The following NCOA6 variants were observed in gnomAD, a reference collection of about 807,000 sequenced individuals.
NCOA6 encodes the protein NRC RAP250.
In NCOA6, 49 loss-of-function variants were observed where a neutral mutation model predicts 171.4. That is an observed-to-expected ratio of 0.29 (90% CI 0.23 to 0.36). The LOEUF (loss-of-function observed/expected upper bound fraction) is 0.36, where lower values mean the gene tolerates loss of function less well. Among genes scored for constraint, NCOA6 ranks in the 10% least tolerant of loss-of-function variants. The probability of loss-of-function intolerance (pLI) is 1.00; values close to 1 mark genes in which losing one functional copy is unlikely to be tolerated. For missense variants in NCOA6, 2,248 were observed against 2,554.5 expected (o/e 0.88, Z 2.59); for synonymous variants, 910 against 927.5 (o/e 0.98, Z 0.34).
intron 5 of NCOA6, among the ~76,000 whole-genome samples, chr20:34,763,214 T>C (rs1196407486): frequency 6.6e-6 from 1 of 152,192 alleles, no homozygotes; most frequent in Admixed American, 6.5e-5. Context: ...CTCAATTTCT[T>C]TATCTTCTTC....
At chr20:34,754,994 T>A in intron 7 of NCOA6, 126 bp from the exon 8 acceptor site, 1 of 865,410 alleles carries the variant, frequency 1.2e-6, no homozygotes, top group South Asian at 2.0e-5. Context: ...GTCACACTGG[T>A]AGGATCTTTA....
intron 2 of NCOA6, among the ~76,000 whole-genome samples, chr20:34,790,519 T>A (rs1457961163): frequency 6.6e-6 from 1 of 151,984 alleles, no homozygotes. Context: ...TACGCCCAGC[T>A]AATTTTTTTG....
chr20:34,740,569 G>A lies in NCOA6; in HGVS notation c.5687C>T (p.Pro1896Leu), dbSNP rs754575825. The A allele has an allele frequency of 2.5e-5, 41 of 1,614,074 alleles. No homozygotes were observed. The South Asian group carries it at 3.3e-4, about 13-fold the overall frequency. Reference protein sequence around the residue: ...LLKMTSSPVGPGTASAGPSLP... With the variant: ...LLKMTSSPVGLGTASAGPSLP... ...GCTGGGTCCTGCTGAGGCAGTGCCCGGGCCCACAGGGCTAGAGGTCATTTT... is the reference window on the plus strand; with the variant it reads ...GCTGGGTCCTGCTGAGGCAGTGCCCAGGCCCACAGGGCTAGAGGTCATTTT... The change falls in exon 11 of 15, where the codon CCG becomes CTG. Residue 1896 changes from proline to leucine, a missense_variant. By Grantham distance (98) the Pro-to-Leu change is moderately conservative. This residue lies in a region of NCOA6 where 884 missense variants were observed against 941.9 expected (regional missense o/e 0.94). Coordinates refer to ENST00000359003, the MANE Select transcript of NCOA6 (RefSeq NM_014071.5).
At chr20:34,807,274 T>C (rs1281432915) in intron 1 of NCOA6, among the ~76,000 whole-genome samples, 1 of 152,142 alleles carries the variant, frequency 6.6e-6, no homozygotes, top group Non-Finnish European at 1.5e-5. Context: ...CCAAGTTAGT[T>C]TGGAAACAGA....
At chr20:34,784,230 T>C (rs921656631) in intron 2 of NCOA6, among the ~76,000 whole-genome samples, 7 of 152,150 alleles carry the variant, frequency 4.6e-5, no homozygotes, top group African/African-American at 1.7e-4. Flanking sequence ...TAACTTTTTT[T>C]TTTTTAATTT....
chr20:34,746,813 G>A lies in NCOA6; in HGVS notation c.2908C>T (p.Pro970Ser). 6.2e-7 allele frequency: 1 copy of A among 1,606,770 alleles called. No homozygotes were observed. The highest frequency in any genetic ancestry group is 8.5e-7 in the Non-Finnish European group (1 of 1,175,236). Residue 970 changes from proline (P) to serine (S), a missense_variant, in exon 10 of 15, where the codon CCA (proline) becomes TCA (serine). By Grantham distance (74) the Pro-to-Ser change is moderately conservative (BLOSUM62 -1). Transcript: ENST00000359003. ...GPKLPEFSNR[P>S]PGYPSQPVEQ... Reference sequence around the variant, plus strand: ...CTAGCTAACATTTTATCACCTGGTGGCCGGTTTGAAAATTCTGGCAGTTTA... The same window carrying A: ...CTAGCTAACATTTTATCACCTGGTGACCGGTTTGAAAATTCTGGCAGTTTA...
Position 34,803,718 on chromosome 20 carries a change from G to A in NCOA6, c.-163-11155C>T, listed in dbSNP as rs552634140. Among the ~76,000 whole-genome samples the A allele has an allele frequency of 3.9e-5, 6 of 152,084 alleles. No homozygotes were observed. The South Asian group carries it at 1.2e-3, about 32-fold the overall frequency. ...ATATTCAAAGAAGTTCATCACTGAC[G>A]GGTGCAGAGGCTCACACTTGTAACC... On this transcript the variant is annotated intron_variant, in intron 1 of 14. Transcript: ENST00000359003.
chr20:34,762,777 C>G (rs2076855657), intron 5 of NCOA6, among the ~76,000 whole-genome samples: 1 of 152,138 alleles, frequency 6.6e-6, no homozygotes, highest in Non-Finnish European at 1.5e-5. Flanking sequence ...TTTTCTTCTT[C>G]CTGAAGTACA....
intron 1 of NCOA6, among the ~76,000 whole-genome samples, chr20:34,800,932 G>A (rs2078235607): frequency 6.6e-6 from 1 of 152,148 alleles, no homozygotes; most frequent in Admixed American, 6.5e-5. Flanking sequence ...TCAGCACATG[G>A]ATCATTCTCA....
intron 10 of NCOA6, among the ~76,000 whole-genome samples, chr20:34,744,471 T>C (rs1329458820): frequency 6.6e-6 from 1 of 151,680 alleles, no homozygotes; most frequent in Non-Finnish European, 1.5e-5. Flanking sequence ...GCATGAAGAG[T>C]ACATTAGGGA....
intron 5 of NCOA6, among the ~76,000 whole-genome samples, chr20:34,765,485 G>A (rs1193186023): frequency 1.3e-5 from 2 of 151,072 alleles, no homozygotes; most frequent in Non-Finnish European, 2.9e-5. Flanking sequence ...TCCATAATGA[G>A]CTTCCTAATC....
At chr20:34,789,955 G>A (rs1188882081) in intron 2 of NCOA6, among the ~76,000 whole-genome samples, 1 of 151,534 alleles carries the variant, frequency 6.6e-6, no homozygotes. Flanking sequence ...GAAAGGCCGG[G>A]CGGGCACAGT....
rs1264158407 is a variant in NCOA6 at position 34,741,106 on chromosome 20, G to A, written c.5150C>T (p.Ala1717Val). ...KFSSAPVPPN[A>V]LSSSPAPNIQ... ...GTTTGGAGCAGGACTACTGGAGAGG[G>A]CATTAGGCGGTACAGGAGCAGAAGA... The change falls in exon 11 of 15, where the codon GCC becomes GTC. Residue 1717 changes from alanine to valine, a missense_variant. Ala to Val is a moderately conservative substitution (Grantham distance 64). Transcript: ENST00000359003. The A allele has an allele frequency of 6.2e-7, 1 of 1,614,242 alleles. No individual in the cohort carries two copies. The highest frequency in any genetic ancestry group is 8.5e-7 in the Non-Finnish European group (1 of 1,180,052).
At position 34,757,944 on chromosome 20, in the gene NCOA6, T is replaced by C. The variant is rs41290900; in HGVS notation, c.804A>G (p.Gln268=). 0.01 allele frequency: 16,407 copies of C among 1,609,394 alleles called. 132 individuals carry two copies. The highest frequency in any genetic ancestry group is 0.041 in the Middle Eastern group (248 of 6,020). The change falls in exon 7 of 15, where the codon CAA becomes CAG. Residue 268 remains glutamine, a synonymous_variant. Transcript: ENST00000359003. ...GCTGCTGCTGCTGCTGCTGCTGCTG[T>C]TGTTGTTGTTGCTGCTGCTGCTGCA... ...PQLQQQQQQQ[Q]QQQQQQQQQQ...
intron 5 of NCOA6, among the ~76,000 whole-genome samples, chr20:34,766,635 C>T (rs1301087594): frequency 6.6e-6 from 1 of 152,068 alleles, no homozygotes; most frequent in Non-Finnish European, 1.5e-5. Context: ...GATACTAGCC[C>T]AAGAGAGCTT....
chr20:34,768,664 C>G, intron 4 of NCOA6, 78 bp from the exon 5 acceptor site: 1 of 1,502,856 alleles, frequency 6.7e-7, no homozygotes, highest in Non-Finnish European at 9.1e-7. Flanking sequence ...TATATAAGTG[C>G]TTTAGTTTTC....
intron 11 of NCOA6, among the ~76,000 whole-genome samples, chr20:34,740,082 C>T (rs566245829): frequency 2.6e-5 from 4 of 152,096 alleles, no homozygotes; most frequent in Non-Finnish European, 4.4e-5. Flanking sequence ...AGGCTGGTCT[C>T]GAATTCCTGA....
At chr20:34,736,610 C>T in intron 12 of NCOA6, 80 bp downstream of exon 12, 1 of 1,190,592 alleles carries the variant, frequency 8.4e-7, no homozygotes, top group Non-Finnish European at 1.2e-6. Flanking sequence ...GGCATAAGAA[C>T]ACACGACATT....
intron 2 of NCOA6, among the ~76,000 whole-genome samples, chr20:34,791,443 T>C (rs1215150117): frequency 6.6e-6 from 1 of 152,178 alleles, no homozygotes; most frequent in Non-Finnish European, 1.5e-5. Flanking sequence ...CTACAGTGCT[T>C]GCTTCCTTCT....
Sources: gnomAD v4.1 joint callset for allele counts (sites outside exome capture counted in the v4.1 genomes callset) on GRCh38, gnomAD v4.1.1 for gene constraint, gnomAD v4.1.1 regional missense constraint, MANE v1.5 for transcripts, NCBI Gene and HGNC (gene_info 2026-07-23, HGNC 2026-07-21) for gene names.